The following PRH1 variants were observed in gnomAD, a reference collection of about 807,000 sequenced individuals.
PRH1 encodes proline rich protein HaeIII subfamily 1, also known as salivary acidic proline-rich phosphoprotein 1/2.
A neutral mutation model predicts 7.9 loss-of-function variants in PRH1; 7 were observed. The ratio of observed to expected loss-of-function variants is 0.89; its 90% confidence interval spans 0.50 to 1.67. The LOEUF (loss-of-function observed/expected upper bound fraction) is 1.67, where lower values mean the gene tolerates loss of function less well. Ranked by LOEUF, PRH1 falls within the 40% of genes most tolerant of loss-of-function variation. PRH1 has a pLI of 0.00. For synonymous variants in PRH1, 45 were observed against 80.8 expected, an observed-to-expected ratio of 0.56 and a Z score of 2.38; for missense variants, 109 against 223.6, an observed-to-expected ratio of 0.49 and a Z score of 3.27.
At chr12:10,912,893 A>G (rs560544635) in intron 2 of PRH1, among the ~76,000 whole-genome samples, 2 of 152,256 alleles carry the variant, frequency 1.3e-5, no homozygotes, top group Non-Finnish European at 2.9e-5. Context: ...GCAGTGTTTC[A>G]TACATCCACT....
At position 11,102,779 on chromosome 12, in the gene PRH1, ACAATCT is replaced by A; in HGVS notation, n.124-55597_124-55592del. Among the ~76,000 whole-genome samples the A allele has an allele frequency of 2.6e-5, 4 of 152,294 alleles. No homozygotes were observed. In the East Asian group the frequency reaches 7.7e-4, roughly 29 times the overall value. On this transcript the variant is annotated intron_variant and non_coding_transcript_variant, in intron 1 of 4. Coordinates refer to the PRH1 transcript ENST00000541977. ...CAACCTACAGAAGGAGAAAATTTTT[ACAATCT>A]ACCCATCTGACAAAGGGCTAATATC...
chr12:11,131,617 T>A (rs1193051054), intron 1 of PRH1, among the ~76,000 whole-genome samples: 5 of 25,104 alleles, frequency 2.0e-4, no homozygotes, highest in Non-Finnish European at 7.6e-4. Context: ...TATGCTTTTT[T>A]AAAATATTGT....
intron 1 of PRH1, among the ~76,000 whole-genome samples, chr12:11,132,371 CT>C (rs1173727628): frequency 6.6e-6 from 1 of 152,048 alleles, no homozygotes; most frequent in Non-Finnish European, 1.5e-5. Context: ...CTGGAGTTCT[CT>C]TATCTGAAGT....
intron 2 of PRH1, among the ~76,000 whole-genome samples, chr12:10,897,651 C>T (rs10845232): frequency 0.5 from 75,411 of 151,998 alleles, 20,943 homozygotes; most frequent in East Asian, 0.72. Flanking sequence ...ATAAAGATGG[C>T]GGAAGGCAAT....
At chr12:10,921,809 G>A (rs957715720) in intron 2 of PRH1, among the ~76,000 whole-genome samples, 25 of 152,048 alleles carry the variant, frequency 1.6e-4, no homozygotes, top group African/African-American at 5.8e-4. Context: ...GCTGTCACCC[G>A]GGGCTGGAGT....
intron 2 of PRH1, chr12:10,931,251 C>T (rs1950208583): frequency 7.1e-7 from 1 of 1,402,272 alleles, no homozygotes; most frequent in Non-Finnish European, 9.5e-7. Context: ...TGTTTTTAAA[C>T]AATCTCTTGA....
intron 1 of PRH1, among the ~76,000 whole-genome samples, chr12:11,130,021 T>C (rs991103700): frequency 6.6e-6 from 1 of 152,136 alleles, no homozygotes; most frequent in African/African-American, 2.4e-5. Flanking sequence ...CATGGTGTTG[T>C]GCCCCTGCAG....
intron 2 of PRH1, among the ~76,000 whole-genome samples, chr12:10,896,455 T>C (rs532955248): frequency 2.6e-5 from 4 of 152,252 alleles, no homozygotes; most frequent in Non-Finnish European, 4.4e-5. Context: ...TAATACCAAA[T>C]CTTTTAGAGA....
intron 1 of PRH1, among the ~76,000 whole-genome samples, chr12:11,169,261 A>C (rs2416546): frequency 0.45 from 68,929 of 151,748 alleles, 16,403 homozygotes; most frequent in Non-Finnish European, 0.52. Context: ...TCAGCAAAAG[A>C]AGTGTGGATT....
intron 1 of PRH1, chr12:11,134,759 T>C (rs1407432726): frequency 6.5e-6 from 1 of 154,066 alleles, no homozygotes; most frequent in Non-Finnish European, 1.4e-5. Flanking sequence ...CTTTTTTAAA[T>C]GCCAGATTTA....
intron 1 of PRH1, among the ~76,000 whole-genome samples, chr12:11,161,950 A>T (rs1947431194): frequency 6.6e-6 from 1 of 152,244 alleles, no homozygotes; most frequent in Non-Finnish European, 1.5e-5. Flanking sequence ...AAGTAGATTA[A>T]AAACTTTATA....
intron 2 of PRH1, among the ~76,000 whole-genome samples, chr12:10,902,575 T>C (rs113621214): frequency 2.7e-4 from 41 of 152,028 alleles, no homozygotes; most frequent in African/African-American, 9.2e-4. Flanking sequence ...GTCGCCAGAC[T>C]ATCCAAGGTC....
intron 1 of PRH1, among the ~76,000 whole-genome samples, chr12:11,110,832 A>G (rs144775293): frequency 1.3e-5 from 2 of 152,336 alleles, no homozygotes; most frequent in East Asian, 3.9e-4. Context: ...AATGGGAAAA[A>G]TACCCCAATT....
At chr12:11,109,229 G>A (rs1047167856) in intron 1 of PRH1, among the ~76,000 whole-genome samples, 16 of 152,198 alleles carry the variant, frequency 1.1e-4, no homozygotes, top group South Asian at 2.1e-4. Flanking sequence ...AGAAGGGGCA[G>A]CTGTGGGAGC....
intron 1 of PRH1, among the ~76,000 whole-genome samples, chr12:11,070,931 G>A (rs1944037618): frequency 6.6e-6 from 1 of 151,690 alleles, no homozygotes; most frequent in South Asian, 2.1e-4. Context: ...TGAATTCCAG[G>A]GTTTGTAACA....
At chr12:11,059,430 T>C (rs909312148) in intron 1 of PRH1, among the ~76,000 whole-genome samples, 3 of 152,204 alleles carry the variant, frequency 2.0e-5, no homozygotes, top group African/African-American at 7.2e-5. Flanking sequence ...AGGTAATACA[T>C]AAAAAACATT....
intron 1 of PRH1, among the ~76,000 whole-genome samples, chr12:11,146,215 A>C (rs1301397188): frequency 6.6e-6 from 1 of 151,172 alleles, no homozygotes; most frequent in Non-Finnish European, 1.5e-5. Context: ...GTCTTTACAC[A>C]TTTTTTTTCT....
chr12:11,065,618 G>C (rs1182043527), intron 1 of PRH1, among the ~76,000 whole-genome samples: 2 of 151,926 alleles, frequency 1.3e-5, no homozygotes, highest in Non-Finnish European at 2.9e-5. Context: ...TTATCTTATT[G>C]TTTTAGGGGT....
chr12:11,078,092 G>C lies in PRH1; in HGVS notation n.124-30904C>G, dbSNP rs557522963. The C allele has an allele frequency of 1.1e-3, 701 of 630,966 alleles. 39 individuals carry two copies. The highest frequency in any genetic ancestry group is 0.011 in the African/African-American group (603 of 55,196). The allele number at this position is 630,966 out of a possible 1,614,324, so 39.1% of individuals were successfully genotyped here. A position where few individuals can be genotyped will look rare whatever the true frequency, so the allele number is the denominator to read the frequency against. On this transcript the variant is annotated intron_variant and non_coding_transcript_variant, in intron 1 of 4. Coordinates refer to the PRH1 transcript ENST00000541977. ...AGTAAACCAATTCTGGAGACCACCA[G>C]AGCAGTGAGGATTTGGTCAGCTGAG...
Sources: gnomAD v4.1 joint callset for allele counts (sites outside exome capture counted in the v4.1 genomes callset) on GRCh38, gnomAD v4.1.1 for gene constraint, MANE v1.5 for transcripts, NCBI Gene and HGNC (gene_info 2026-07-23, HGNC 2026-07-21) for gene names.